The following MAGI2 variants were observed in gnomAD, a reference collection of about 807,000 sequenced individuals.
MAGI2 encodes the protein membrane-associated guanylate kinase, WW and PDZ domain-containing protein 2.
A neutral mutation model predicts 133.3 loss-of-function variants in MAGI2; 35 were observed. That is an observed-to-expected ratio of 0.26 (90% CI 0.20 to 0.35). The LOEUF (loss-of-function observed/expected upper bound fraction) is 0.35, where lower values mean the gene tolerates loss of function less well. Among genes scored for constraint, MAGI2 ranks in the 10% least tolerant of loss-of-function variants. The pLI is 1.00. For synonymous variants in MAGI2, 729 were observed against 710.6 expected (o/e 1.03, Z -0.41); for missense variants, 1,636 against 1,863.4 (o/e 0.88, Z 2.25).
chr7:78,688,953 T>C (rs1816668359), intron 2 of MAGI2, among the ~76,000 whole-genome samples: 1 of 152,194 alleles, frequency 6.6e-6, no homozygotes. Context: ...AATATAGTAG[T>C]CCAGGAAAGT....
chr7:78,706,171 T>C (rs897728757), intron 2 of MAGI2, among the ~76,000 whole-genome samples: 2 of 152,088 alleles, frequency 1.3e-5, no homozygotes, highest in Non-Finnish European at 2.9e-5. Flanking sequence ...TCAACTTTAA[T>C]TGTATCTCCC....
chr7:78,473,837 A>C (rs1003788988), intron 6 of MAGI2, among the ~76,000 whole-genome samples: 3 of 152,026 alleles, frequency 2.0e-5, no homozygotes, highest in Admixed American at 2.0e-4. Flanking sequence ...CACAGACCAA[A>C]TGAAAAAGCC....
intron 17 of MAGI2, among the ~76,000 whole-genome samples, chr7:78,133,702 A>G (rs1472122782): frequency 6.6e-6 from 1 of 152,216 alleles, no homozygotes; most frequent in Admixed American, 6.5e-5. Flanking sequence ...GGCCCAACAG[A>G]CACATTCCAG....
intron 2 of MAGI2, among the ~76,000 whole-genome samples, chr7:78,868,644 T>C (rs1275458831): frequency 6.6e-6 from 1 of 152,200 alleles, no homozygotes; most frequent in Non-Finnish European, 1.5e-5. Flanking sequence ...ACACAAAAAC[T>C]TACATTCGGA....
chr7:78,552,069 A>C (rs1000319437), intron 3 of MAGI2, among the ~76,000 whole-genome samples: 3 of 152,090 alleles, frequency 2.0e-5, no homozygotes, highest in Non-Finnish European at 4.4e-5. Flanking sequence ...TAATGAAATA[A>C]AAGGTCAATA....
chr7:78,266,853 T>C (rs1240465040), intron 9 of MAGI2, among the ~76,000 whole-genome samples: 3 of 152,108 alleles, frequency 2.0e-5, no homozygotes, highest in African/African-American at 7.2e-5. Flanking sequence ...ATTACAGGTG[T>C]GAGCCACCAT....
intron 2 of MAGI2, among the ~76,000 whole-genome samples, chr7:78,822,706 GT>G (rs924207247): frequency 1.3e-5 from 2 of 151,124 alleles, no homozygotes; most frequent in Admixed American, 6.6e-5. Context: ...CCTACTGCCT[GT>G]TTTTTTTTAA....
chr7:79,205,191 T>A (rs1391186907), intron 1 of MAGI2, among the ~76,000 whole-genome samples: 2 of 151,810 alleles, frequency 1.3e-5, no homozygotes, highest in South Asian at 2.1e-4. Flanking sequence ...AACCCAATTG[T>A]CAAATATCAA....
rs907517902 is a variant in MAGI2, at chr7:78,960,785, C to G, written c.418+46305G>C. Among the ~76,000 whole-genome samples, 4 of 152,068 alleles carry G rather than the reference C, an allele frequency of 2.6e-5. No homozygotes were observed. The East Asian group carries it at 7.7e-4, about 29-fold the overall frequency. On this transcript the variant is annotated intron_variant, in intron 2 of 21. Transcript: ENST00000354212. ...TGAACCCAGAACATGGAACTAACTC[C>G]AAACCATGGTCTTTCCACTTCACTC...
At chr7:79,208,556 A>G (rs1173155962) in intron 1 of MAGI2, among the ~76,000 whole-genome samples, 4 of 152,002 alleles carry the variant, frequency 2.6e-5, no homozygotes, top group African/African-American at 9.7e-5. Context: ...TGTGGAGAAA[A>G]GAGAATCCTT....
intron 21 of MAGI2, among the ~76,000 whole-genome samples, chr7:78,048,422 C>T (rs1245081221): frequency 6.6e-6 from 1 of 152,126 alleles, no homozygotes; most frequent in Non-Finnish European, 1.5e-5. Context: ...GTTGGAGTCA[C>T]TCTCTCACCT....
chr7:78,051,695 G>A (rs968647668), intron 21 of MAGI2, among the ~76,000 whole-genome samples: 7 of 151,972 alleles, frequency 4.6e-5, no homozygotes, highest in East Asian at 1.9e-4. Context: ...AGTGATTCTC[G>A]TGCCTCAGCC....
chr7:79,135,985 A>AAGAGAGAGAG (rs1562928620), intron 1 of MAGI2, among the ~76,000 whole-genome samples: 5 of 42,108 alleles, frequency 1.2e-4, no homozygotes, highest in African/African-American at 2.4e-4. Flanking sequence ...GAAAGAAAGA[A>AAGAGAGAGAG]AGAAAGAAAG....
At chr7:79,013,318 A>G (rs1252250952) in intron 1 of MAGI2, among the ~76,000 whole-genome samples, 1 of 152,182 alleles carries the variant, frequency 6.6e-6, no homozygotes, top group Non-Finnish European at 1.5e-5. Flanking sequence ...TCATCAGTAG[A>G]CAACTGACTT....
chr7:79,268,713 T>C (rs997971846), intron 1 of MAGI2, among the ~76,000 whole-genome samples: 1 of 152,212 alleles, frequency 6.6e-6, no homozygotes, highest in African/African-American at 2.4e-5. Context: ...GTGGCCTTTT[T>C]GGGTCTCTGA....
At chr7:78,911,090 A>G (rs1798365627) in intron 2 of MAGI2, among the ~76,000 whole-genome samples, 1 of 152,066 alleles carries the variant, frequency 6.6e-6, no homozygotes, top group South Asian at 2.1e-4. Flanking sequence ...GTGTTTATTT[A>G]CTTTTTACTT....
In MAGI2 at chr7:79,133,340, C is replaced by G. The variant is rs1821106972; in HGVS notation, c.302-126134G>C. On this transcript the variant is annotated intron_variant, in intron 1 of 21. Transcript: ENST00000354212. ...TGACTTTTTTTTATAAGGTAAGAGA[C>G]AGGAATCCAATTACATTCTTCTGCA... 2.0e-5 allele frequency among the ~76,000 whole-genome samples: 3 copies of G among 152,076 alleles called. 1 individual carries two copies. In the South Asian group the frequency reaches 6.2e-4, roughly 32 times the overall value.
intron 9 of MAGI2, among the ~76,000 whole-genome samples, chr7:78,280,853 C>CAAAAA (rs36097343): frequency 0.01 from 1,082 of 108,004 alleles, 29 homozygotes; most frequent in African/African-American, 0.037. Context: ...GATGGGTATA[C>CAAAAA]AAAAAAAAAA....
intron 1 of MAGI2, among the ~76,000 whole-genome samples, chr7:79,284,404 A>T (rs2129558240): frequency 6.6e-6 from 1 of 152,166 alleles, no homozygotes; most frequent in South Asian, 2.1e-4. Flanking sequence ...CTAATATGGG[A>T]CTTCAATTGG....
Sources: gnomAD v4.1 joint callset for allele counts (sites outside exome capture counted in the v4.1 genomes callset) on GRCh38, gnomAD v4.1.1 for gene constraint, MANE v1.5 for transcripts, NCBI Gene and HGNC (gene_info 2026-07-23, HGNC 2026-07-21) for gene names.